The following C13orf46 variants were observed in gnomAD, a reference collection of about 807,000 sequenced individuals.
C13orf46 encodes chromosome 13 open reading frame 46.
chr13:113,945,539 G>GAGAAAGAAAGAAAGAAAGAAAGAA, the C13orf46 span, among the ~76,000 whole-genome samples: 41 of 73,668 alleles, frequency 5.6e-4, 3 homozygotes, highest in African/African-American at 1.8e-3. Flanking sequence ...GCGAGAATCT[G>GAGAAAGAAAGAAAGAAAGAAAGAA]AGAAAGAAAG....
At chr13:113,932,079 G>C in the C13orf46 span, among the ~76,000 whole-genome samples, 1 of 152,182 alleles carries the variant, frequency 6.6e-6, no homozygotes, top group African/African-American at 2.4e-5. Flanking sequence ...ATTATTTTGA[G>C]ATTCATCCAA....
At chr13:113,965,656 ATGATGGTGATTATAATGG>A in intron 5 of C13orf46, among the ~76,000 whole-genome samples, 1 of 150,686 alleles carries the variant, frequency 6.6e-6, no homozygotes, top group East Asian at 1.9e-4. Flanking sequence ...TGTGACAATG[ATGATGGTGATTATAATGG>A]TGATGGTGAT....
At chr13:113,957,432 G>A (rs2052546669) in intron 6 of C13orf46, among the ~76,000 whole-genome samples, 3 of 144,172 alleles carry the variant, frequency 2.1e-5, no homozygotes, top group African/African-American at 7.8e-5. Context: ...GTGCACTGGG[G>A]GGTCTCCCCT....
intron 6 of C13orf46, among the ~76,000 whole-genome samples, chr13:113,963,006 A>G (rs2052599546): frequency 6.6e-6 from 1 of 152,170 alleles, no homozygotes; most frequent in Non-Finnish European, 1.5e-5. Context: ...CTCTCCCTGG[A>G]GACATAAAAA....
chr13:113,939,342 A>G, the C13orf46 span, among the ~76,000 whole-genome samples: 17 of 150,240 alleles, frequency 1.1e-4, no homozygotes, highest in African/African-American at 4.2e-4. Context: ...GATGGGGAGG[A>G]CAGAGACCAC....
intron 6 of C13orf46, among the ~76,000 whole-genome samples, chr13:113,959,160 T>A (rs1474981217): frequency 3.3e-5 from 5 of 152,010 alleles, no homozygotes; most frequent in African/African-American, 1.2e-4. Flanking sequence ...TGGTCCCAGC[T>A]ACTTGGGAGG....
chr13:113,961,589 G>A (rs2052587327), intron 6 of C13orf46, among the ~76,000 whole-genome samples: 1 of 151,928 alleles, frequency 6.6e-6, no homozygotes, highest in South Asian at 2.1e-4. Flanking sequence ...TTTATAATCA[G>A]CTCTAGTCCA....
chr13:113,948,917 TCAC>T (rs1249217013), downstream of C13orf46, among the ~76,000 whole-genome samples: 3 of 152,238 alleles, frequency 2.0e-5, no homozygotes, highest in Non-Finnish European at 2.9e-5. Flanking sequence ...CAACTCTTTT[TCAC>T]CACATTTGTT....
chr13:113,932,434 C>A, the C13orf46 span, among the ~76,000 whole-genome samples: 1 of 152,246 alleles, frequency 6.6e-6, no homozygotes, highest in South Asian at 2.1e-4. Context: ...GGTTTGTAGG[C>A]ACCTCTCATA....
At chr13:113,931,938 C>A in the C13orf46 span, among the ~76,000 whole-genome samples, 1 of 152,014 alleles carries the variant, frequency 6.6e-6, no homozygotes, top group Non-Finnish European at 1.5e-5. Flanking sequence ...CCCAGGCTGG[C>A]CCCTGCCCCG....
chr13:113,964,153 A>T (rs1444728252), intron 6 of C13orf46, among the ~76,000 whole-genome samples: 1 of 152,210 alleles, frequency 6.6e-6, no homozygotes, highest in South Asian at 2.1e-4. Flanking sequence ...GTATCATGTG[A>T]CTGTTTTATA....
Position 113,963,247 on chromosome 13 carries a change from CCCCTGTCCTCAGCCTCGG to C in C13orf46, c.572+1662_572+1679del, listed in dbSNP as rs1457247316. Among the ~76,000 whole-genome samples, 55 of 97,472 alleles carry C rather than the reference CCCCTGTCCTCAGCCTCGG, an allele frequency of 5.6e-4. 1 individual carries two copies. Among genetic ancestry groups the C allele is most frequent in the Admixed American group, 9.9e-4 (9 of 9,112 alleles). 63.9% of individuals were successfully genotyped at this position (97,472 alleles called of 152,430 possible). On this transcript the variant is annotated intron_variant, in intron 6 of 6. Coordinates refer to ENST00000636427, the MANE Select transcript of C13orf46 (RefSeq NM_001365455.2). ...GCCTCGGCCCCTGTCCTCAGCCTCG[CCCCTGTCCTCAGCCTCGG>C]CCCTGTCCTCAGCCTCGGCCCCTGT...
the C13orf46 span, chr13:113,928,953 G>C: frequency 6.6e-6 from 1 of 152,348 alleles, no homozygotes; most frequent in African/African-American, 2.4e-5. Context: ...TTGGGAGGCT[G>C]GGATTTAGAT....
chr13:113,933,378 T>C, the C13orf46 span, among the ~76,000 whole-genome samples: 2 of 152,264 alleles, frequency 1.3e-5, no homozygotes, highest in South Asian at 2.1e-4. Context: ...TTCTGTCTCA[T>C]TGACCTATTT....
At chr13:113,939,554 C>T in the C13orf46 span, among the ~76,000 whole-genome samples, 1 of 152,174 alleles carries the variant, frequency 6.6e-6, no homozygotes, top group Non-Finnish European at 1.5e-5. Flanking sequence ...ATGGGGAGGG[C>T]GGCACCACTC....
intron 2 of C13orf46, among the ~76,000 whole-genome samples, chr13:113,969,613 T>G (rs2052682995): frequency 6.6e-6 from 1 of 152,194 alleles, no homozygotes; most frequent in South Asian, 2.1e-4. Flanking sequence ...CTTTGTTAGA[T>G]CTGAGACAAA....
intron 6 of C13orf46, among the ~76,000 whole-genome samples, chr13:113,959,836 G>C (rs1273862231): frequency 6.6e-6 from 1 of 152,196 alleles, no homozygotes; most frequent in East Asian, 1.9e-4. Context: ...AAAGCACAAA[G>C]TCCAAGCATG....
chr13:113,960,092 A>T (rs2052575566), intron 6 of C13orf46, among the ~76,000 whole-genome samples: 1 of 151,962 alleles, frequency 6.6e-6, no homozygotes, highest in Non-Finnish European at 1.5e-5. Context: ...CTCTACTAAA[A>T]ATACAAAAAA....
At chr13:113,967,711 C>T (rs1413934861) in intron 4 of C13orf46, among the ~76,000 whole-genome samples, 4 of 152,298 alleles carry the variant, frequency 2.6e-5, no homozygotes, top group South Asian at 2.1e-4. Context: ...TCTGAGAACT[C>T]GGGCCTCCAG....
Sources: gnomAD v4.1 joint callset for allele counts (sites outside exome capture counted in the v4.1 genomes callset) on GRCh38, gnomAD v4.1.1 for gene constraint, MANE v1.5 for transcripts, NCBI Gene and HGNC (gene_info 2026-07-23, HGNC 2026-07-21) for gene names.